SLC2A10: variants seen among roughly 807,000 people sequenced by gnomAD.
SLC2A10 encodes the protein solute carrier family 2 member 10, also known as solute carrier family 2, facilitated glucose transporter member 10.
In SLC2A10, 25 loss-of-function variants were observed where a neutral mutation model predicts 32.1. The ratio of observed to expected loss-of-function variants is 0.78; its 90% CI spans 0.57 to 1.09. The LOEUF is 1.09. Among genes scored for constraint, SLC2A10 ranks in the 50% least tolerant of loss-of-function variants. The pLI, the probability that SLC2A10 is intolerant of heterozygous loss-of-function variation, is 0.00. For missense variants in SLC2A10, 673 were observed against 686.5 expected, an observed-to-expected ratio of 0.98 and a Z score of 0.22; for synonymous variants, 332 against 309.6, an observed-to-expected ratio of 1.07 and a Z score of -0.76.
chr20:46,724,225 A>G (rs540348814), intron 1 of SLC2A10, among the ~76,000 whole-genome samples: 1 of 152,290 alleles, frequency 6.6e-6, no homozygotes, highest in East Asian at 1.9e-4. Flanking sequence ...TCATCTTCCT[A>G]TTTCTTCTAG....
intron 1 of SLC2A10, among the ~76,000 whole-genome samples, chr20:46,719,878 G>C (rs1306055137): frequency 6.6e-6 from 1 of 152,172 alleles, no homozygotes; most frequent in Admixed American, 6.5e-5. Context: ...TATTAGCCCT[G>C]TTTTACAGGT....
At position 46,716,999 on chromosome 20, in the gene SLC2A10, G is replaced by C. The variant is rs139716436; in HGVS notation, c.4+7259G>C. 3.3e-5 allele frequency among the ~76,000 whole-genome samples: 5 copies of C among 152,132 alleles called. No individual in the cohort carries two copies. The East Asian group carries it at 9.7e-4, about 29-fold the overall frequency. On this transcript the variant is annotated intron_variant, in intron 1 of 4. Transcript: ENST00000359271. ...AATTACGCCACTGCGCTCCAGCCTG[G>C]GAAACAGAGTAAGACTGTCTAAAAA... is the stretch of plus-strand genomic sequence containing the variant.
Position 46,726,251 on chromosome 20 carries a change from T to A in SLC2A10, c.1215T>A (p.His405Gln), listed in dbSNP as rs1250536643. 2.5e-6 allele frequency: 4 copies of A among 1,613,486 alleles called. No individual in the cohort carries two copies. Among genetic ancestry groups the A allele is most frequent in the Admixed American group, 1.7e-5 (1 of 60,010 alleles). Reference protein sequence around the residue: ...LPGPPLPARGHALLRWTALLC... With the variant: ...LPGPPLPARGQALLRWTALLC... ...GGCCCCCTCTGCCCGCTCGGGGGCA[T>A]GCACTGCTGCGCTGGACCGCACTGC... The change falls in exon 2 of 5, where the codon CAT (histidine) becomes CAA (glutamine). Residue 405 changes from histidine (H) to glutamine (Q), a missense_variant. His to Gln is a conservative substitution (Grantham distance 24, BLOSUM62 0). Coordinates refer to ENST00000359271, the MANE Select transcript of SLC2A10 (RefSeq NM_030777.4).
intron 2 of SLC2A10, among the ~76,000 whole-genome samples, chr20:46,726,606 T>C (rs1190098082): frequency 6.6e-6 from 1 of 152,238 alleles, no homozygotes; most frequent in African/African-American, 2.4e-5. Flanking sequence ...ATTTAATGAA[T>C]AGCGTGAAAA....
intron 1 of SLC2A10, chr20:46,714,571 T>C (rs767998810): frequency 6.5e-6 from 1 of 152,762 alleles, no homozygotes. Flanking sequence ...ACAAGGACAG[T>C]GCACGTAGGA....
rs753639386 is a variant in SLC2A10, at chr20:46,729,517, G to C, written c.1547+29G>C. On this transcript the variant is annotated intron_variant, in intron 4 of 4. Coordinates refer to ENST00000359271, the MANE Select transcript of SLC2A10 (RefSeq NM_030777.4). ...GGAAGCTGACAGGGTGGGTCTGGGG[G>C]AAGAGCTGTAGCACACCCCAAGCAC... 4.3e-6 allele frequency: 7 copies of C among 1,613,140 alleles called. No homozygotes were observed. In the Admixed American group the frequency reaches 1.2e-4, roughly 27 times the overall value.
Position 46,726,883 on chromosome 20 carries a change from C to T in SLC2A10, c.1308C>T (p.Ser436=), listed in dbSNP as rs760956244. 19 of 1,614,138 alleles carry T rather than the reference C, an allele frequency of 1.2e-5. No individual in the cohort carries two copies. The highest frequency in any genetic ancestry group is 1.7e-5 in the Admixed American group (1 of 60,024). Residue 436 remains serine (S), a synonymous_variant, in exon 3 of 5, where the codon AGC becomes AGT. Coordinates refer to ENST00000359271, the MANE Select transcript of SLC2A10 (RefSeq NM_030777.4). ...CCCTAGTGACCTGGCTTGTCCTCAG[C>T]GAGATCTACCCTGTGGAGATACGAG... ...GFGPVTWLVL[S]EIYPVEIRGR... is the part of the protein sequence containing the mutation.
At chr20:46,717,530 C>T (rs149677986) in intron 1 of SLC2A10, among the ~76,000 whole-genome samples, 240 of 152,184 alleles carry the variant, frequency 1.6e-3, no homozygotes, top group African/African-American at 5.6e-3. Context: ...GGATTACAGG[C>T]GCCCACCACC....
At chr20:46,712,658 T>C (rs1044470193) in intron 1 of SLC2A10, among the ~76,000 whole-genome samples, 1 of 141,520 alleles carries the variant, frequency 7.1e-6, no homozygotes, top group East Asian at 2.1e-4. Context: ...TTTCTTTTTT[T>C]TTTTTTTTTT....
At chr20:46,728,587 A>G (rs1980102006) in intron 3 of SLC2A10, among the ~76,000 whole-genome samples, 1 of 148,284 alleles carries the variant, frequency 6.7e-6, no homozygotes, top group African/African-American at 2.5e-5. Flanking sequence ...TGACCGATTC[A>G]TGGAATTTCT....
Position 46,726,132 on chromosome 20 carries a change from C to A in SLC2A10, c.1096C>A (p.Pro366Thr). ...AAGGACCAATGAGGACCAAAGGGAGCCAATCTTGTCCACTGCTAAGAAAAC... is the reference window on the plus strand; with the variant it reads ...AAGGACCAATGAGGACCAAAGGGAGACAATCTTGTCCACTGCTAAGAAAAC... Reference protein sequence around the residue: ...IPRTNEDQREPILSTAKKTKP... With the variant: ...IPRTNEDQRETILSTAKKTKP... The change falls in exon 2 of 5, where the codon CCA becomes ACA. Residue 366 changes from proline (P) to threonine (T), a missense_variant. Physicochemically the swap from Pro to Thr is conservative, Grantham distance 38. Transcript: ENST00000359271. 6.2e-7 allele frequency: 1 copy of A among 1,614,244 alleles called. No individual in the cohort carries two copies. Among genetic ancestry groups the A allele is most frequent in the Non-Finnish European group, 8.5e-7 (1 of 1,180,034 alleles).
rs199912561 is a variant in SLC2A10 at position 46,726,244 on chromosome 20, G to C, written c.1208G>C (p.Arg403Pro). Residue 403 changes from arginine (R) to proline (P), a missense_variant, in exon 2 of 5, where the codon CGG becomes CCG. Coordinates refer to ENST00000359271, the MANE Select transcript of SLC2A10 (RefSeq NM_030777.4). The stretch of plus-strand genomic sequence containing the variant: ...CTCCCTGGGCCCCCTCTGCCCGCTC[G>C]GGGGCATGCACTGCTGCGCTGGACC... Reference protein sequence around the residue: ...SALPGPPLPARGHALLRWTAL... With the variant: ...SALPGPPLPAPGHALLRWTAL... The C allele has an allele frequency of 3.1e-6, 5 of 1,613,566 alleles. No individual in the cohort carries two copies. The South Asian group carries it at 4.4e-5, about 14-fold the overall frequency.
Position 46,725,834 on chromosome 20 carries a change from A to G in SLC2A10, c.798A>G (p.Gly266=). The G allele has an allele frequency of 6.2e-7, 1 of 1,614,120 alleles. No homozygotes were observed. Among genetic ancestry groups the G allele is most frequent in the South Asian group, 1.1e-5 (1 of 91,080 alleles). ...TCAGCTCCGTTGGTTTCCATGGGGG[A>G]TCCTCAGCCGTGCTGGCCTCTGTGG... ...TIFSSVGFHG[G]SSAVLASVGL... is the part of the protein sequence containing the mutation. The change falls in exon 2 of 5, where the codon GGA becomes GGG. Residue 266 remains glycine, a synonymous_variant. Coordinates refer to ENST00000359271, the MANE Select transcript of SLC2A10 (RefSeq NM_030777.4).
chr20:46,730,439 G>A (rs1281711831), intron 4 of SLC2A10, among the ~76,000 whole-genome samples: 1 of 152,164 alleles, frequency 6.6e-6, no homozygotes, highest in Non-Finnish European at 1.5e-5. Flanking sequence ...AAGGGGTTGT[G>A]GCTGAAGTAG....
At position 46,725,933 on chromosome 20, in the gene SLC2A10, G is replaced by C. The variant is rs1979908015; in HGVS notation, c.897G>C (p.Leu299=). The change falls in exon 2 of 5, where the codon CTG becomes CTC. Residue 299 remains leucine (L), a synonymous_variant. Coordinates refer to ENST00000359271, the MANE Select transcript of SLC2A10 (RefSeq NM_030777.4). Reference sequence around the variant, plus strand: ...TGGACCGTGCAGGCCGCAGGGCTCTGTTGCTAGCTGGCTGTGCCCTCATGG... The same window carrying C: ...TGGACCGTGCAGGCCGCAGGGCTCTCTTGCTAGCTGGCTGTGCCCTCATGG... ...GLVDRAGRRA[L]LLAGCALMAL... 6.2e-7 allele frequency: 1 copy of C among 1,613,948 alleles called. No individual in the cohort carries two copies. Among genetic ancestry groups the C allele is most frequent in the Non-Finnish European group, 8.5e-7 (1 of 1,180,034 alleles).
At position 46,729,956 on chromosome 20, in the gene SLC2A10, C is replaced by G. The variant is rs569060259; in HGVS notation, c.1547+468C>G. 3.5e-4 allele frequency among the ~76,000 whole-genome samples: 54 copies of G among 152,256 alleles called. 1 individual carries two copies. Among genetic ancestry groups the G allele is most frequent in the African/African-American group, 1.3e-3 (52 of 41,558 alleles). ...GCACTATGAGTTTTGTCCGGTCACA[C>G]ACAAACTGTTTTCCTTGAGTTGTTT... On this transcript the variant is annotated intron_variant, in intron 4 of 4. Coordinates refer to ENST00000359271, the MANE Select transcript of SLC2A10 (RefSeq NM_030777.4).
Position 46,726,307 on chromosome 20 carries a change from C to T in SLC2A10, c.1271C>T (p.Ser424Phe). The change falls in exon 2 of 5, where the codon TCC (serine) becomes TTC (phenylalanine). Residue 424 changes from serine to phenylalanine, a missense_variant. By Grantham distance (155) the Ser-to-Phe change is radical. Coordinates refer to ENST00000359271, the MANE Select transcript of SLC2A10 (RefSeq NM_030777.4). Reference sequence around the variant, plus strand: ...CTGATGGTCTTTGTCAGTGCCTTCTCCTTTGGGTTTGGGCCAGGTAAGTGG... The same window carrying T: ...CTGATGGTCTTTGTCAGTGCCTTCTTCTTTGGGTTTGGGCCAGGTAAGTGG... Reference protein sequence around the residue: ...LCLMVFVSAFSFGFGPVTWLV... With the variant: ...LCLMVFVSAFFFGFGPVTWLV... The T allele has an allele frequency of 6.2e-7, 1 of 1,610,398 alleles. No individual in the cohort carries two copies.
At chr20:46,727,626 T>TC (rs1245278793) in intron 3 of SLC2A10, among the ~76,000 whole-genome samples, 1 of 152,180 alleles carries the variant, frequency 6.6e-6, no homozygotes, top group Non-Finnish European at 1.5e-5. Flanking sequence ...TGGAAGTTTT[T>TC]CTCAAATCAA....
intron 1 of SLC2A10, among the ~76,000 whole-genome samples, chr20:46,722,849 C>A (rs1979634687): frequency 6.6e-6 from 1 of 152,200 alleles, no homozygotes; most frequent in South Asian, 2.1e-4. Flanking sequence ...CAATCCCCAC[C>A]ATTCTTTGTT....
Sources: gnomAD v4.1 joint callset for allele counts (sites outside exome capture counted in the v4.1 genomes callset) on GRCh38, gnomAD v4.1.1 for gene constraint, MANE v1.5 for transcripts, NCBI Gene and HGNC (gene_info 2026-07-23, HGNC 2026-07-21) for gene names.